UBAP2: variants seen among roughly 807,000 people sequenced by gnomAD.
UBAP2 encodes ubiquitin-associated protein 2.
Under a neutral mutation model 139.6 loss-of-function variants are expected in UBAP2, and 75 were observed. The observed-to-expected ratio is 0.54, with a 90% CI of 0.45 to 0.65. The LOEUF is 0.65. Ranked by LOEUF, UBAP2 falls within the 30% of genes least tolerant of loss-of-function variation. The pLI is 0.00. For missense variants in UBAP2, 1,368 were observed against 1,369.6 expected (o/e 1.00, Z 0.02); for synonymous variants, 526 against 526.2 (o/e 1.00, Z 0.01).
chr9:33,998,662 C>T (rs373888009), intron 3 of UBAP2, 125 bp downstream of exon 3: 8 of 784,052 alleles, frequency 1.0e-5, no homozygotes, highest in East Asian at 2.8e-5. Flanking sequence ...ATCCAATATA[C>T]AGATTTCAGG....
chr9:33,976,844 G>GTATA (rs35740464), intron 6 of UBAP2, among the ~76,000 whole-genome samples: 10 of 149,350 alleles, frequency 6.7e-5, no homozygotes, highest in African/African-American at 2.0e-4. Flanking sequence ...TAAAAAAAAT[G>GTATA]TATATATATA....
intron 6 of UBAP2, among the ~76,000 whole-genome samples, chr9:33,979,611 G>A (rs1041201518): frequency 2.6e-5 from 4 of 152,048 alleles, no homozygotes; most frequent in South Asian, 2.1e-4. Flanking sequence ...GGCCAGGTGC[G>A]GTGGCTCATG....
At chr9:33,949,996 G>C (rs1284579979) in intron 12 of UBAP2, among the ~76,000 whole-genome samples, 1 of 152,196 alleles carries the variant, frequency 6.6e-6, no homozygotes, top group Admixed American at 6.5e-5. Flanking sequence ...GACAATGGAA[G>C]ATCAACTACA....
intron 2 of UBAP2, among the ~76,000 whole-genome samples, chr9:34,014,937 G>A (rs1240195381): frequency 1.3e-5 from 2 of 152,160 alleles, no homozygotes; most frequent in African/African-American, 2.4e-5. Flanking sequence ...ATCAAGCACT[G>A]AGTAGCAGAG....
At chr9:34,041,473 A>AG (rs1827080838) in intron 1 of UBAP2, among the ~76,000 whole-genome samples, 1 of 150,738 alleles carries the variant, frequency 6.6e-6, no homozygotes, top group South Asian at 2.1e-4. Flanking sequence ...TCAAAAAAAA[A>AG]AAAAAAAACA....
intron 6 of UBAP2, among the ~76,000 whole-genome samples, chr9:33,985,184 T>C (rs981854690): frequency 6.6e-6 from 1 of 151,528 alleles, no homozygotes; most frequent in Non-Finnish European, 1.5e-5. Flanking sequence ...GCAATTTCTA[T>C]TTTTTTTTAA....
intron 1 of UBAP2, among the ~76,000 whole-genome samples, chr9:34,047,356 A>C (rs931569456): frequency 6.6e-6 from 1 of 152,210 alleles, no homozygotes; most frequent in African/African-American, 2.4e-5. Context: ...AACCCTAGCG[A>C]AGGGGCTCCA....
intron 8 of UBAP2, among the ~76,000 whole-genome samples, chr9:33,969,064 C>T (rs1280896728): frequency 2.0e-5 from 3 of 151,660 alleles, no homozygotes; most frequent in Non-Finnish European, 4.4e-5. Flanking sequence ...TTTGCTTATA[C>T]ATTCATCCAT....
chr9:33,973,676 T>C (rs1159079343), intron 6 of UBAP2, among the ~76,000 whole-genome samples: 1 of 152,152 alleles, frequency 6.6e-6, no homozygotes, highest in African/African-American at 2.4e-5. Flanking sequence ...GCAGCAAGCA[T>C]GAGAACAAGC....
intron 4 of UBAP2, chr9:33,995,423 ATAT>A (rs1333603561): frequency 4.4e-5 from 6 of 137,618 alleles, no homozygotes; most frequent in South Asian, 2.1e-4. Context: ...ATATATTTAT[ATAT>A]TATTAAACAA....
chr9:33,950,863 A>G (rs1201926141), intron 12 of UBAP2, among the ~76,000 whole-genome samples: 1 of 152,258 alleles, frequency 6.6e-6, no homozygotes, highest in African/African-American at 2.4e-5. Flanking sequence ...ATTTAAATCA[A>G]TGGAGAGACT....
intron 13 of UBAP2, among the ~76,000 whole-genome samples, chr9:33,945,031 G>A (rs1308811949): frequency 6.6e-6 from 1 of 152,100 alleles, no homozygotes; most frequent in African/African-American, 2.4e-5. Flanking sequence ...TTGGGAGGCT[G>A]AGGTGGGAGG....
At chr9:34,024,771 G>A (rs1049878081) in intron 1 of UBAP2, among the ~76,000 whole-genome samples, 97 of 152,154 alleles carry the variant, frequency 6.4e-4, no homozygotes, top group African/African-American at 2.2e-3. Context: ...ATCACTTGCG[G>A]TCAGGAGTTC....
At chr9:33,983,944 C>CTCTG (rs1293926458) in intron 6 of UBAP2, among the ~76,000 whole-genome samples, 1 of 152,074 alleles carries the variant, frequency 6.6e-6, no homozygotes, top group East Asian at 1.9e-4. Flanking sequence ...CAGAGCATCA[C>CTCTG]TCTGTCACAC....
intron 22 of UBAP2, among the ~76,000 whole-genome samples, chr9:33,924,871 C>T (rs1587499516): frequency 6.6e-6 from 1 of 152,178 alleles, no homozygotes; most frequent in African/African-American, 2.4e-5. Flanking sequence ...AACACAAATT[C>T]GTCTTTCTTA....
chr9:33,992,133 T>TA (rs1821761927), intron 4 of UBAP2, among the ~76,000 whole-genome samples: 1 of 152,036 alleles, frequency 6.6e-6, no homozygotes, highest in African/African-American at 2.4e-5. Context: ...CTCATGCCTG[T>TA]AATCCCACCA....
In UBAP2 at chr9:34,022,461, A is replaced by G. The variant is rs1276935183; in HGVS notation, c.-41-5272T>C. The stretch of plus-strand genomic sequence containing the variant: ...TTTTTTTTTTTTTTTTTTTTAAGAC[A>G]CAGTCTGGCTTTGTTGCCCAGGCTG... On this transcript the variant is annotated intron_variant, in intron 1 of 28. Transcript: ENST00000379238. Among the ~76,000 whole-genome samples the G allele has an allele frequency of 6.3e-4, 85 of 135,460 alleles. 1 individual carries two copies. The East Asian group carries it at 0.016, about 25-fold the overall frequency. 88.9% of individuals were successfully genotyped at this position (135,460 alleles called of 152,430 possible).
rs138922623 is a variant in UBAP2, at chr9:33,989,769, T to C, written c.289-643A>G. Among the ~76,000 whole-genome samples the C allele has an allele frequency of 1.3e-3, 191 of 152,268 alleles. 1 individual carries two copies. Among genetic ancestry groups the C allele is most frequent in the African/African-American group, 4.4e-3 (184 of 41,568 alleles). On this transcript the variant is annotated intron_variant, in intron 4 of 28. Transcript: ENST00000379238. Reference sequence around the variant, plus strand: ...CTACACCACCTCACTTACCTCTCTATTAGGCCTTAAATCTACTTATTAATT... The same window carrying C: ...CTACACCACCTCACTTACCTCTCTACTAGGCCTTAAATCTACTTATTAATT...
intron 16 of UBAP2, among the ~76,000 whole-genome samples, chr9:33,940,437 A>AAGCT (rs1825106490): frequency 7.9e-5 from 12 of 152,332 alleles, no homozygotes; most frequent in Admixed American, 4.6e-4. Context: ...GTTGAGCTGA[A>AAGCT]ATCCTAAGCT....
Sources: allele counts gnomAD v4.1 joint callset (sites outside exome capture counted in the v4.1 genomes callset), GRCh38; gene constraint gnomAD v4.1.1; transcripts MANE v1.5; gene names NCBI Gene and HGNC (gene_info 2026-07-23, HGNC 2026-07-21).